NPLOC4: variants seen among roughly 807,000 people sequenced by gnomAD.
NPLOC4 encodes NPL4 homolog, ubiquitin recognition factor.
NPLOC4 carries 18 observed loss-of-function variants against 80.6 expected under a neutral mutation model. The ratio of observed to expected loss-of-function variants is 0.22; its 90% CI spans 0.15 to 0.33. NPLOC4 has a LOEUF of 0.33. NPLOC4 is among the 10% of genes least tolerant of loss of function. The pLI is 1.00. For missense variants in NPLOC4, 540 were observed against 786.1 expected (o/e 0.69, Z 3.74); for synonymous variants, 313 against 301.5 (o/e 1.04, Z -0.39).
At chr17:81,605,906 C>T (rs1250044744) in intron 7 of NPLOC4, among the ~76,000 whole-genome samples, 1 of 151,260 alleles carries the variant, frequency 6.6e-6, no homozygotes, top group Non-Finnish European at 1.5e-5. Context: ...ACTGCAACCT[C>T]TGCCTTCAGG....
chr17:81,565,433 G>A, intron 16 of NPLOC4, 72 bp downstream of exon 16: 1 of 1,270,810 alleles, frequency 7.9e-7, no homozygotes, highest in Admixed American at 2.0e-5. Flanking sequence ...ACCGGCAGTG[G>A]GGAGCTGTGC....
intron 2 of NPLOC4, among the ~76,000 whole-genome samples, chr17:81,625,266 GGAA>G (rs1294783825): frequency 1.3e-5 from 2 of 152,182 alleles, no homozygotes; most frequent in Non-Finnish European, 2.9e-5. Flanking sequence ...GGCTAAAAAA[GGAA>G]GAAGACTAGA....
chr17:81,622,202 G>A lies in NPLOC4; in HGVS notation c.173C>T (p.Ala58Val). 6.2e-7 allele frequency: 1 copy of A among 1,613,520 alleles called. No homozygotes were observed. The highest frequency in any genetic ancestry group is 8.5e-7 in the Non-Finnish European group (1 of 1,179,500). ...INRNKTGEIT[A>V]SSNKSLNLLK... ...CAAGTTGAGGGATTTGTTGGAGGAG[G>A]CTGTTATCTCTCCGGTCTTGTTTCT... Residue 58 changes from alanine to valine, a missense_variant, in exon 3 of 17, where the codon GCC (alanine) becomes GTC (valine). This residue lies in a region of NPLOC4 where 62 missense variants were observed against 84.4 expected (regional missense o/e 0.73). Transcript: ENST00000331134.
At chr17:81,594,668 G>A (rs1217369923) in intron 11 of NPLOC4, among the ~76,000 whole-genome samples, 1 of 152,026 alleles carries the variant, frequency 6.6e-6, no homozygotes, top group South Asian at 2.1e-4. Flanking sequence ...CCAGCTACTC[G>A]GGAGGCTGAG....
intron 3 of NPLOC4, among the ~76,000 whole-genome samples, chr17:81,619,365 AGACTCC>A (rs2035600618): frequency 1.3e-5 from 2 of 151,160 alleles, no homozygotes; most frequent in Admixed American, 1.3e-4. Flanking sequence ...CAACACAGTG[AGACTCC>A]GTCTCAAAAA....
intron 6 of NPLOC4, among the ~76,000 whole-genome samples, chr17:81,607,206 G>A (rs1486420764): frequency 6.6e-6 from 1 of 152,152 alleles, no homozygotes; most frequent in Non-Finnish European, 1.5e-5. Context: ...TTTGACATTA[G>A]CCCAGTACTT....
At chr17:81,616,796 A>C (rs2035505928) in intron 3 of NPLOC4, among the ~76,000 whole-genome samples, 1 of 152,078 alleles carries the variant, frequency 6.6e-6, no homozygotes, top group African/African-American at 2.4e-5. Flanking sequence ...ATTAACAGAG[A>C]GTTAGACTGC....
At chr17:81,579,370 T>A (rs2034379565) in intron 12 of NPLOC4, among the ~76,000 whole-genome samples, 1 of 152,140 alleles carries the variant, frequency 6.6e-6, no homozygotes, top group South Asian at 2.1e-4. Context: ...AGAGCGAGAC[T>A]CCATCTCAAA....
chr17:81,614,187 GA>G (rs921712386), intron 3 of NPLOC4: 1 of 140,500 alleles, frequency 7.1e-6, no homozygotes, highest in African/African-American at 2.7e-5. Flanking sequence ...TGAGGCAGGA[GA>G]ATCACTTGAA....
chr17:81,635,137 C>G (rs922262442), intron 1 of NPLOC4, among the ~76,000 whole-genome samples: 16 of 151,614 alleles, frequency 1.1e-4, no homozygotes, highest in East Asian at 2.0e-4. Flanking sequence ...GTCAGAAGTT[C>G]GAGATCAACC....
At chr17:81,621,715 A>T (rs2035672897) in intron 3 of NPLOC4, among the ~76,000 whole-genome samples, 1 of 152,224 alleles carries the variant, frequency 6.6e-6, no homozygotes, top group Admixed American at 6.5e-5. Context: ...GGCAGTAGCC[A>T]GGCTGTGACA....
chr17:81,635,357 T>TAAA (rs10627051), intron 1 of NPLOC4, among the ~76,000 whole-genome samples: 41,901 of 126,136 alleles, frequency 0.33, 9,096 homozygotes, highest in East Asian at 0.67. Context: ...AAAATAAGGT[T>TAAA]AAAAAAAAAA....
Position 81,636,922 on chromosome 17 carries a change from C to T in NPLOC4, c.9G>A (p.Glu3=), listed in dbSNP as rs1308857315. MA[E]SIIIRVQSPD... ...GCCCGGCCGCCGCACTCACGATGCTCTCGGCCATGGCGGCTGCTCCTGCCT... is the reference window on the plus strand; with the variant it reads ...GCCCGGCCGCCGCACTCACGATGCTTTCGGCCATGGCGGCTGCTCCTGCCT... Residue 3 remains glutamate, a synonymous_variant, in exon 1 of 17, where the codon GAG becomes GAA. Coordinates refer to ENST00000331134, the MANE Select transcript of NPLOC4 (RefSeq NM_017921.4). 1.1e-5 allele frequency: 15 copies of T among 1,397,124 alleles called. No homozygotes were observed. Among genetic ancestry groups the T allele is most frequent in the Non-Finnish European group, 1.4e-5 (15 of 1,071,018 alleles). 86.5% of individuals were successfully genotyped at this position (1,397,124 alleles called of 1,614,324 possible). A position where few individuals can be genotyped will look rare whatever the true frequency, so the allele number is the denominator to read the frequency against.
chr17:81,564,083 AACACACACAC>A (rs58774657), intron 16 of NPLOC4: 11 of 274,812 alleles, frequency 4.0e-5, no homozygotes, highest in East Asian at 1.2e-4. Context: ...TCCAGCTCAA[AACACACACAC>A]ACACACACAC....
chr17:81,571,289 A>G (rs1449392790), intron 13 of NPLOC4, among the ~76,000 whole-genome samples: 14 of 152,248 alleles, frequency 9.2e-5, no homozygotes, highest in Non-Finnish European at 1.5e-5. Context: ...CGCTTTGGAC[A>G]GAGCTCCGGT....
chr17:81,581,680 C>T (rs1475230927), intron 12 of NPLOC4, among the ~76,000 whole-genome samples: 4 of 152,144 alleles, frequency 2.6e-5, no homozygotes, highest in African/African-American at 7.2e-5. Flanking sequence ...ACTCCCGGGG[C>T]GCCAGCCAGC....
rs1477960880 is a variant in NPLOC4, at chr17:81,608,808, G to A, written c.450C>T (p.Asp150=). ...HCVPLEPFDE[D]YLNHLEPPVK... ...CGGGAGGCTCGAGATGGTTTAGATAGTCCTCATCGAATGGCTGCCAAGACA... is the reference window on the plus strand; with the variant it reads ...CGGGAGGCTCGAGATGGTTTAGATAATCCTCATCGAATGGCTGCCAAGACA... The change falls in exon 6 of 17, where the codon GAC becomes GAT. Residue 150 remains aspartate, a synonymous_variant. Coordinates refer to ENST00000331134, the MANE Select transcript of NPLOC4 (RefSeq NM_017921.4). 1.9e-6 allele frequency: 3 copies of A among 1,583,358 alleles called. No individual in the cohort carries two copies. Among genetic ancestry groups the A allele is most frequent in the Non-Finnish European group, 2.6e-6 (3 of 1,164,384 alleles).
At chr17:81,597,419 G>A in intron 9 of NPLOC4, 103 bp from the exon 10 acceptor site, 1 of 856,640 alleles carries the variant, frequency 1.2e-6, no homozygotes, top group South Asian at 1.4e-5. Flanking sequence ...GAGAGGCCGA[G>A]GCAGGAGAAT....
At chr17:81,565,409 G>C in intron 16 of NPLOC4, 96 bp downstream of exon 16, 1 of 1,084,408 alleles carries the variant, frequency 9.2e-7, no homozygotes, top group Non-Finnish European at 1.4e-6. Flanking sequence ...GCTGGGTGCG[G>C]AATCCAGGGC....
Sources: gnomAD v4.1 joint callset for allele counts (sites outside exome capture counted in the v4.1 genomes callset) on GRCh38, gnomAD v4.1.1 for gene constraint, gnomAD v4.1.1 regional missense constraint, MANE v1.5 for transcripts, NCBI Gene and HGNC (gene_info 2026-07-23, HGNC 2026-07-21) for gene names.